The following SCARA3 variants were observed in gnomAD, a reference collection of about 807,000 sequenced individuals.
The protein encoded by SCARA3 is cellular stress response gene protein.
A neutral mutation model predicts 47.0 loss-of-function variants in SCARA3; 39 were observed. That is an observed-to-expected ratio of 0.83 (90% CI 0.64 to 1.08). The LOEUF is 1.08. SCARA3 is among the 50% of genes least tolerant of loss of function. SCARA3 has a pLI of 0.00. For synonymous variants in SCARA3, 356 were observed against 334.1 expected (o/e 1.07, Z -0.71); for missense variants, 724 against 792.3 (o/e 0.91, Z 1.04).
the SCARA3 span, among the ~76,000 whole-genome samples, chr8:27,696,616 ATTTTTT>A: frequency 7.5e-6 from 1 of 134,204 alleles, no homozygotes; most frequent in African/African-American, 2.8e-5. Context: ...CACCTGGCTA[ATTTTTT>A]TTTTTTTTTT....
At chr8:27,715,081 G>A in the SCARA3 span, among the ~76,000 whole-genome samples, 3 of 151,966 alleles carry the variant, frequency 2.0e-5, no homozygotes, top group Non-Finnish European at 4.4e-5. This position sits in a 1 kb window ranked among gnomAD's most constrained non-coding sequence, Gnocchi z 4.2. Context: ...CACCATGCCT[G>A]GCTAAATTTT....
At chr8:27,669,901 GGCTCCCA>G (rs1282685749) in intron 5 of SCARA3, among the ~76,000 whole-genome samples, 6 of 152,150 alleles carry the variant, frequency 3.9e-5, no homozygotes, top group Admixed American at 3.3e-4. Context: ...GGCAGTGGAG[GGCTCCCA>G]GCTCCCAGCA....
Position 27,670,966 on chromosome 8 carries a change from G to A in SCARA3, c.1436G>A (p.Gly479Asp). Residue 479 changes from glycine (G) to aspartate (D), a missense_variant, in exon 6 of 6, where the codon GGC becomes GAC. By Grantham distance (94) the Gly-to-Asp change is moderately conservative. Coordinates refer to ENST00000301904, the MANE Select transcript of SCARA3 (RefSeq NM_016240.3). Reference sequence around the variant, plus strand: ...ATGGGCGTGAAAGGGCCTGTTGGCGGCAGAGGCCCGAAAGGAGACCCCGGC... The same window carrying A: ...ATGGGCGTGAAAGGGCCTGTTGGCGACAGAGGCCCGAAAGGAGACCCCGGC... ...GDMGVKGPVG[G>D]RGPKGDPGSL... is the part of the protein sequence containing the mutation. The A allele has an allele frequency of 7.5e-6, 12 of 1,600,740 alleles. No individual in the cohort carries two copies. Among genetic ancestry groups the A allele is most frequent in the Non-Finnish European group, 9.4e-6 (11 of 1,176,002 alleles).
In SCARA3 at chr8:27,671,653, TGC is replaced by T. The variant is rs1287181033; in HGVS notation, c.*303_*304del. The T allele has an allele frequency of 1.0e-5, 11 of 1,100,130 alleles. No homozygotes were observed. The South Asian group carries it at 5.0e-4, about 50-fold the overall frequency. 68.1% of individuals were successfully genotyped at this position (1,100,130 alleles called of 1,614,324 possible). On this transcript the variant is annotated 3_prime_UTR_variant, in exon 6 of 6. Coordinates refer to ENST00000301904, the MANE Select transcript of SCARA3 (RefSeq NM_016240.3). ...AGGCATACATGCATGCACACACACA[TGC>T]ACGCACACACACATGCACACATACA... is the stretch of plus-strand genomic sequence containing the variant.
intron 3 of SCARA3, 47 bp from the exon 4 acceptor site, chr8:27,656,735 C>A: frequency 8.3e-7 from 1 of 1,202,720 alleles, no homozygotes; most frequent in Non-Finnish European, 1.2e-6. Flanking sequence ...ACTGCTGTTT[C>A]TCTGAGCTTA....
chr8:27,730,269 C>T, the SCARA3 span, among the ~76,000 whole-genome samples: 1 of 152,166 alleles, frequency 6.6e-6, no homozygotes, highest in Non-Finnish European at 1.5e-5. Context: ...CAAGTGGCTC[C>T]TAATCTTCTT....
At chr8:27,715,145 C>T in the SCARA3 span, among the ~76,000 whole-genome samples, 1 of 152,102 alleles carries the variant, frequency 6.6e-6, no homozygotes, top group Non-Finnish European at 1.5e-5. The surrounding 1 kb of genome is among the most constrained non-coding windows in gnomAD (Gnocchi z 4.2). Context: ...AGGCTGATGT[C>T]AAACTCCCGG....
chr8:27,685,332 A>G, the SCARA3 span, among the ~76,000 whole-genome samples: 1 of 151,996 alleles, frequency 6.6e-6, no homozygotes, highest in Non-Finnish European at 1.5e-5. Context: ...AAGGAAAGCA[A>G]CAGGTCCACA....
intron 5 of SCARA3, among the ~76,000 whole-genome samples, 172 bp downstream of exon 5, chr8:27,659,711 A>G (rs1801850391): frequency 1.3e-5 from 2 of 152,064 alleles, no homozygotes; most frequent in South Asian, 2.1e-4. Flanking sequence ...TTAGCCAGGC[A>G]TGGTGGTGTG....
chr8:27,729,534 T>TA, the SCARA3 span, among the ~76,000 whole-genome samples: 6 of 152,212 alleles, frequency 3.9e-5, no homozygotes, highest in African/African-American at 1.4e-4. Flanking sequence ...CTCACCCCTG[T>TA]AATCCCAGCA....
the SCARA3 span, among the ~76,000 whole-genome samples, chr8:27,729,092 A>G: frequency 5.3e-5 from 8 of 152,202 alleles, no homozygotes; most frequent in Admixed American, 2.0e-4. Context: ...CCTGTATTGG[A>G]AAGTGATCAG....
intron 5 of SCARA3, among the ~76,000 whole-genome samples, chr8:27,668,465 G>T (rs36125274): frequency 0.1 from 14,974 of 147,638 alleles, 860 homozygotes; most frequent in East Asian, 0.25. Context: ...GCGTGAACCC[G>T]GGAAGCGGAG....
chr8:27,637,088 C>T (rs776886500), intron 1 of SCARA3, among the ~76,000 whole-genome samples: 2 of 152,214 alleles, frequency 1.3e-5, no homozygotes, highest in African/African-American at 2.4e-5. Context: ...TATGGAGAAC[C>T]GGTGATGGTG....
the SCARA3 span, among the ~76,000 whole-genome samples, chr8:27,688,561 T>C: frequency 1.3e-5 from 2 of 152,096 alleles, no homozygotes; most frequent in African/African-American, 4.8e-5. Flanking sequence ...CTAGGCATGG[T>C]GGCACGTGCC....
chr8:27,715,596 T>C, the SCARA3 span, among the ~76,000 whole-genome samples: 2 of 109,430 alleles, frequency 1.8e-5, no homozygotes, highest in East Asian at 2.4e-4. The surrounding 1 kb of genome is among the most constrained non-coding windows in gnomAD (Gnocchi z 4.2). Context: ...AGATGATAGA[T>C]AGATAGATAG....
chr8:27,709,100 C>T, the SCARA3 span, among the ~76,000 whole-genome samples: 1 of 152,196 alleles, frequency 6.6e-6, no homozygotes, highest in African/African-American at 2.4e-5. Flanking sequence ...TTCTCTCCAC[C>T]TGAAGGAGCA....
intron 1 of SCARA3, among the ~76,000 whole-genome samples, chr8:27,634,460 A>G (rs1212959713): frequency 2.6e-5 from 4 of 152,060 alleles, no homozygotes; most frequent in Non-Finnish European, 5.9e-5. Flanking sequence ...CCGTTGCTCT[A>G]ACCTCACAAA....
chr8:27,640,756 G>C (rs1412167086), intron 1 of SCARA3, among the ~76,000 whole-genome samples: 1 of 152,104 alleles, frequency 6.6e-6, no homozygotes, highest in Non-Finnish European at 1.5e-5. Context: ...GAGGGTAGTG[G>C]CACTATCATG....
At chr8:27,642,288 G>A (rs1585272780) in intron 1 of SCARA3, among the ~76,000 whole-genome samples, 1 of 152,176 alleles carries the variant, frequency 6.6e-6, no homozygotes, top group Non-Finnish European at 1.5e-5. Context: ...AGCATTAATT[G>A]GAATAGGATA....
Sources: allele counts gnomAD v4.1 joint callset (sites outside exome capture counted in the v4.1 genomes callset), GRCh38; gene constraint gnomAD v4.1.1; non-coding constraint Gnocchi (gnomAD v3.1); transcripts MANE v1.5; gene names NCBI Gene and HGNC (gene_info 2026-07-23, HGNC 2026-07-21).